The following RHOU variants were observed in gnomAD, a reference collection of about 807,000 sequenced individuals.
RHOU encodes the protein rho-related GTP-binding protein RhoU.
A neutral mutation model predicts 12.6 loss-of-function variants in RHOU; 8 were observed. The ratio of observed to expected loss-of-function variants is 0.64; its 90% CI spans 0.37 to 1.15. The LOEUF is 1.15. Ranked by LOEUF, RHOU falls within the 50% of genes most tolerant of loss-of-function variation. The pLI is 0.01. For missense variants in RHOU, 258 were observed against 347.0 expected (o/e 0.74, Z 2.04); for synonymous variants, 161 against 147.4 (o/e 1.09, Z -0.67).
chr1:228,703,132 G>A, the RHOU span, among the ~76,000 whole-genome samples: 1 of 152,158 alleles, frequency 6.6e-6, no homozygotes, highest in Non-Finnish European at 1.5e-5. Context: ...GACAATGTAT[G>A]TACATTTAAA....
chr1:228,731,306 G>A (rs138751529), upstream of RHOU, among the ~76,000 whole-genome samples: 99 of 152,310 alleles, frequency 6.5e-4, no homozygotes, highest in African/African-American at 2.3e-3. Context: ...TGTTTGGTGT[G>A]GAGGTCTGCT....
intron 2 of RHOU, among the ~76,000 whole-genome samples, chr1:228,739,562 C>G (rs1242054580): frequency 6.6e-6 from 1 of 151,682 alleles, no homozygotes; most frequent in African/African-American, 2.4e-5. Flanking sequence ...GATTCCATCT[C>G]AAAAAAAATA....
the RHOU span, among the ~76,000 whole-genome samples, chr1:228,698,784 G>A: frequency 2.0e-5 from 3 of 152,078 alleles, no homozygotes; most frequent in Admixed American, 6.6e-5. Flanking sequence ...CCCCCACATC[G>A]GCCCTTTGTC....
the RHOU span, among the ~76,000 whole-genome samples, chr1:228,654,970 A>C: frequency 6.6e-6 from 1 of 152,220 alleles, no homozygotes; most frequent in African/African-American, 2.4e-5. Context: ...AAATAAAAAA[A>C]CAGTCCACAT....
At chr1:228,728,999 G>T in the RHOU span, among the ~76,000 whole-genome samples, 2 of 151,674 alleles carry the variant, frequency 1.3e-5, no homozygotes, top group Non-Finnish European at 2.9e-5. Context: ...GGGTTCAAGC[G>T]ATTCTTCTAC....
the RHOU span, among the ~76,000 whole-genome samples, chr1:228,655,302 C>T: frequency 6.6e-6 from 1 of 152,242 alleles, no homozygotes; most frequent in South Asian, 2.1e-4. Context: ...CGGGGTTTCA[C>T]CATCTTGGCC....
chr1:228,702,013 G>GA, the RHOU span, among the ~76,000 whole-genome samples: 1 of 151,774 alleles, frequency 6.6e-6, no homozygotes, highest in African/African-American at 2.4e-5. Context: ...ACAAAGATAT[G>GA]TTTGCTCAAA....
chr1:228,687,275 C>T, the RHOU span: 5 of 628,896 alleles, frequency 8.0e-6, no homozygotes, highest in Admixed American at 1.3e-4. Context: ...CTCTATTCCC[C>T]AGTTCCCAAG....
At chr1:228,665,461 C>T in the RHOU span, among the ~76,000 whole-genome samples, 2 of 152,170 alleles carry the variant, frequency 1.3e-5, no homozygotes, top group African/African-American at 2.4e-5. Context: ...TCACACATGT[C>T]GGGGATGGGT....
the RHOU span, among the ~76,000 whole-genome samples, chr1:228,683,788 A>G: frequency 2.6e-5 from 4 of 152,216 alleles, no homozygotes; most frequent in Non-Finnish European, 4.4e-5. Flanking sequence ...GTCCTAAGAA[A>G]CTGTGCGGTG....
chr1:228,712,066 C>T, the RHOU span, among the ~76,000 whole-genome samples: 11 of 149,072 alleles, frequency 7.4e-5, no homozygotes, highest in South Asian at 2.1e-4. Flanking sequence ...AAAATGCTCA[C>T]CATCACTGGC....
chr1:228,670,314 A>C, the RHOU span, among the ~76,000 whole-genome samples: 1 of 152,242 alleles, frequency 6.6e-6, no homozygotes, highest in South Asian at 2.1e-4. Context: ...CCCTTTCCTC[A>C]GCAGAGCTAG....
chr1:228,671,678 A>G, the RHOU span, among the ~76,000 whole-genome samples: 1 of 137,242 alleles, frequency 7.3e-6, no homozygotes, highest in African/African-American at 2.8e-5. Context: ...GGGCCACTGC[A>G]CTCCAGCCTG....
the RHOU span, among the ~76,000 whole-genome samples, chr1:228,702,861 A>T: frequency 6.6e-5 from 10 of 152,302 alleles, no homozygotes; most frequent in East Asian, 1.7e-3. Flanking sequence ...TCAGCTTTCA[A>T]ATAGTTTTTC....
Position 228,743,867 on chromosome 1 carries a change from AGCTC to A in RHOU, c.*128_*131del. Reference sequence around the variant, plus strand: ...GTGTGTGTATATGTATTATAGGAGGAGCTCTCAATTTTATGTATTCTTTCTGCCT... The same window carrying A: ...GTGTGTGTATATGTATTATAGGAGGATCAATTTTATGTATTCTTTCTGCCT... On this transcript the variant is annotated 3_prime_UTR_variant, in exon 3 of 3. Coordinates refer to ENST00000366691, the MANE Select transcript of RHOU (RefSeq NM_021205.6). This position sits in a 1 kb window ranked among gnomAD's most constrained non-coding sequence, Gnocchi z 5.1. 3 of 769,130 alleles carry A rather than the reference AGCTC, an allele frequency of 3.9e-6. No homozygotes were observed. The South Asian group carries it at 7.0e-5, about 18-fold the overall frequency. 47.6% of individuals were successfully genotyped at this position (769,130 alleles called of 1,614,324 possible).
At chr1:228,647,380 G>T in the RHOU span, among the ~76,000 whole-genome samples, 2 of 152,208 alleles carry the variant, frequency 1.3e-5, no homozygotes, top group Admixed American at 1.3e-4. Flanking sequence ...GGGCGCGTCC[G>T]GAGGCCTGGG....
chr1:228,656,607 T>A, the RHOU span, among the ~76,000 whole-genome samples: 834 of 152,324 alleles, frequency 5.5e-3, 3 homozygotes, highest in Non-Finnish European at 9.2e-3. Flanking sequence ...TAAATTGGTA[T>A]AAATTCAAAT....
At chr1:228,678,951 G>A in the RHOU span, among the ~76,000 whole-genome samples, 1 of 152,102 alleles carries the variant, frequency 6.6e-6, no homozygotes, top group African/African-American at 2.4e-5. Context: ...TACAGGGCGT[G>A]GTCCTGGCTC....
rs1442171806 is a variant in RHOU, at chr1:228,737,118, T to C, written c.263-555T>C. On this transcript the variant is annotated intron_variant, in intron 1 of 2. Transcript: ENST00000366691. The surrounding 1 kb of genome is among the most constrained non-coding windows in gnomAD (Gnocchi z 4.1). ...AGTGGAAAGGGGGCCATGGCTTTCT[T>C]TTTTCTTTTTTAATCCTCCTTTTGA... 6.6e-6 allele frequency among the ~76,000 whole-genome samples: 1 copy of C among 152,068 alleles called. No homozygotes were observed.
Sources: allele counts gnomAD v4.1 joint callset (sites outside exome capture counted in the v4.1 genomes callset), GRCh38; gene constraint gnomAD v4.1.1; non-coding constraint Gnocchi (gnomAD v3.1); transcripts MANE v1.5; gene names NCBI Gene and HGNC (gene_info 2026-07-23, HGNC 2026-07-21).